Variants in NR6A1 observed in about 807,000 individuals in gnomAD.
NR6A1 encodes the protein retinoic acid receptor-related testis-associated receptor.
In NR6A1, 7 loss-of-function variants were observed where a neutral mutation model predicts 59.1. The ratio of observed to expected loss-of-function variants is 0.12; its 90% CI spans 0.07 to 0.22. NR6A1 has a LOEUF of 0.22. Ranked by LOEUF, NR6A1 falls within the 10% of genes least tolerant of loss-of-function variation. NR6A1 has a pLI of 1.00. For missense variants in NR6A1, 468 were observed against 611.6 expected (o/e 0.77, Z 2.48); for synonymous variants, 243 against 236.1 (o/e 1.03, Z -0.27).
At chr9:124,747,872 C>A (rs1455448311) in intron 1 of NR6A1, among the ~76,000 whole-genome samples, 1 of 152,180 alleles carries the variant, frequency 6.6e-6, no homozygotes, top group Non-Finnish European at 1.5e-5. Context: ...TATGACTGCT[C>A]CTCTCTCTTC....
intron 2 of NR6A1, among the ~76,000 whole-genome samples, chr9:124,601,794 T>C (rs1835460004): frequency 1.3e-5 from 2 of 151,608 alleles, no homozygotes; most frequent in African/African-American, 2.4e-5. Flanking sequence ...GAGACCCGTC[T>C]CTATAAAAAA....
rs1043490069 is a variant in NR6A1, at chr9:124,521,567, C to T, written c.*1138G>A. On this transcript the variant is annotated 3_prime_UTR_variant, in exon 10 of 10. Transcript: ENST00000487099. ...GTCAGCAGACAGGTGAATGGTCCTTCTCATTGTTTAAAAAAGCCTGAAGTT... is the reference window on the plus strand; with the variant it reads ...GTCAGCAGACAGGTGAATGGTCCTTTTCATTGTTTAAAAAAGCCTGAAGTT... 2.0e-5 allele frequency: 3 copies of T among 152,248 alleles called. No homozygotes were observed. The highest frequency in any genetic ancestry group is 7.2e-5 in the African/African-American group (3 of 41,438). 9.4% of individuals were successfully genotyped at this position (152,248 alleles called of 1,614,324 possible).
chr9:124,676,862 C>T lies in NR6A1; in HGVS notation c.142+56446G>A, dbSNP rs139696667. Among the ~76,000 whole-genome samples, 544 of 152,192 alleles carry T rather than the reference C, an allele frequency of 3.6e-3. 1 individual carries two copies. Among genetic ancestry groups the T allele is most frequent in the Non-Finnish European group, 5.8e-3 (392 of 68,010 alleles). On this transcript the variant is annotated intron_variant, in intron 2 of 9. Coordinates refer to ENST00000487099, the MANE Select transcript of NR6A1 (RefSeq NM_033334.4). ...AGTAAGTACTAGACAAACTTATGAA[C>T]GATAGAACCTTTAAAATTCGTGACT...
At chr9:124,691,587 A>G (rs1230517118) in intron 2 of NR6A1, among the ~76,000 whole-genome samples, 1 of 152,230 alleles carries the variant, frequency 6.6e-6, no homozygotes, top group Non-Finnish European at 1.5e-5. Flanking sequence ...ACTATGTCCT[A>G]TAATGTACTG....
chr9:124,538,362 T>C, intron 5 of NR6A1, 43 bp from the exon 6 acceptor site: 1 of 1,482,476 alleles, frequency 6.7e-7, no homozygotes, highest in Non-Finnish European at 9.3e-7. Flanking sequence ...ATGGCAAGTC[T>C]AGTAATTACT....
At chr9:124,660,774 T>C (rs1837410275) in intron 2 of NR6A1, among the ~76,000 whole-genome samples, 1 of 152,144 alleles carries the variant, frequency 6.6e-6, no homozygotes, top group African/African-American at 2.4e-5. Flanking sequence ...GAGTCCCATG[T>C]GCTCGCTTTT....
At chr9:124,731,758 T>A (rs1408514315) in intron 2 of NR6A1, among the ~76,000 whole-genome samples, 1 of 152,240 alleles carries the variant, frequency 6.6e-6, no homozygotes, top group African/African-American at 2.4e-5. Flanking sequence ...CTAGTGTACT[T>A]TATTGTAACA....
chr9:124,661,738 G>A (rs773434197), intron 2 of NR6A1, among the ~76,000 whole-genome samples: 6 of 152,124 alleles, frequency 3.9e-5, no homozygotes, highest in Non-Finnish European at 7.4e-5. Context: ...CCCAAAGTGC[G>A]TTGTCCAATA....
intron 2 of NR6A1, among the ~76,000 whole-genome samples, chr9:124,555,390 G>A (rs557472686): frequency 2.0e-5 from 3 of 152,284 alleles, no homozygotes; most frequent in East Asian, 3.9e-4. Context: ...TCCGATCAGA[G>A]GCCAAGACAA....
chr9:124,598,686 A>G (rs1835353603), intron 2 of NR6A1: 2 of 475,564 alleles, frequency 4.2e-6, no homozygotes, highest in East Asian at 1.1e-4. Context: ...AGGGAAAGAG[A>G]GGAAAAAAAT....
At chr9:124,675,993 G>A (rs371944057) in intron 2 of NR6A1, among the ~76,000 whole-genome samples, 1 of 152,172 alleles carries the variant, frequency 6.6e-6, no homozygotes, top group African/African-American at 2.4e-5. Context: ...GTAGCACATG[G>A]AACTGCCTGA....
intron 2 of NR6A1, among the ~76,000 whole-genome samples, chr9:124,585,218 G>A (rs1006714992): frequency 1.1e-4 from 16 of 152,132 alleles, no homozygotes; most frequent in African/African-American, 3.4e-4. Flanking sequence ...TCACGAGGTT[G>A]AAGGAAATAA....
intron 2 of NR6A1, among the ~76,000 whole-genome samples, chr9:124,707,039 G>A (rs1367383480): frequency 1.3e-5 from 2 of 152,026 alleles, no homozygotes; most frequent in Non-Finnish European, 2.9e-5. Context: ...TAAATCTGTA[G>A]ATTAATGTTT....
At chr9:124,710,906 T>A (rs1839260036) in intron 2 of NR6A1, among the ~76,000 whole-genome samples, 1 of 152,208 alleles carries the variant, frequency 6.6e-6, no homozygotes, top group African/African-American at 2.4e-5. Flanking sequence ...CAATTACAGT[T>A]CATTCAGCAT....
chr9:124,617,229 A>C lies in NR6A1; in HGVS notation c.143-62659T>G, dbSNP rs576619566. Reference sequence around the variant, plus strand: ...CGTTGTTTATTAGCACCACTAACATAAAAGGAAATCACTCCAGCTTTGAGA... The same window carrying C: ...CGTTGTTTATTAGCACCACTAACATCAAAGGAAATCACTCCAGCTTTGAGA... On this transcript the variant is annotated intron_variant, in intron 2 of 9. Coordinates refer to ENST00000487099, the MANE Select transcript of NR6A1 (RefSeq NM_033334.4). Among the ~76,000 whole-genome samples the C allele has an allele frequency of 6.0e-4, 91 of 152,334 alleles. 1 individual carries two copies. The South Asian group carries it at 0.018, about 31-fold the overall frequency.
chr9:124,530,779 C>T (rs556820392), intron 7 of NR6A1, among the ~76,000 whole-genome samples: 7 of 152,306 alleles, frequency 4.6e-5, no homozygotes, highest in East Asian at 3.9e-4. Context: ...AGACTAGTTT[C>T]AGGACAAATT....
intron 2 of NR6A1, among the ~76,000 whole-genome samples, chr9:124,656,148 T>C (rs538554894): frequency 6.6e-6 from 1 of 152,192 alleles, no homozygotes; most frequent in Admixed American, 6.5e-5. Context: ...ACCTCCTTCT[T>C]CTCTCTCTTG....
Position 124,527,043 on chromosome 9 carries a change from A to T in NR6A1, c.1080-143T>A, listed in dbSNP as rs1037280339. On this transcript the variant is annotated intron_variant, in intron 7 of 9. Transcript: ENST00000487099. ...AAAGCCACTTGGGAAGTACAGGCAG[A>T]TCCATGCTTTGTCTACAGGCCAACG... The T allele has an allele frequency of 2.5e-5, 25 of 987,550 alleles. No homozygotes were observed. The Admixed American group carries it at 6.2e-4, about 24-fold the overall frequency. The allele number at this position is 987,550 out of a possible 1,614,324, so 61.2% of individuals were successfully genotyped here.
At chr9:124,711,792 C>T (rs1479523599) in intron 2 of NR6A1, among the ~76,000 whole-genome samples, 1 of 152,124 alleles carries the variant, frequency 6.6e-6, no homozygotes, top group East Asian at 1.9e-4. Flanking sequence ...AATGAATTCC[C>T]ATGTGTCTTT....
Sources: allele counts gnomAD v4.1 joint callset (sites outside exome capture counted in the v4.1 genomes callset), GRCh38; gene constraint gnomAD v4.1.1; transcripts MANE v1.5; gene names NCBI Gene and HGNC (gene_info 2026-07-23, HGNC 2026-07-21).